Variants in THSD7B observed in about 807,000 individuals in gnomAD.
THSD7B encodes the protein thrombospondin type 1 domain containing 7B.
Under a neutral mutation model 213.6 loss-of-function variants are expected in THSD7B, and 138 were observed. The observed-to-expected ratio is 0.65, with a 90% CI of 0.56 to 0.74. THSD7B has a LOEUF of 0.74. Among genes scored for constraint, THSD7B ranks in the 30% least tolerant of loss-of-function variants. THSD7B has a pLI of 0.00. For synonymous variants in THSD7B, 742 were observed against 687.0 expected (o/e 1.08, Z -1.25); for missense variants, 1,931 against 1,991.5 (o/e 0.97, Z 0.58).
intron 15 of THSD7B, among the ~76,000 whole-genome samples, chr2:137,454,139 G>C (rs1436280276): frequency 1.3e-5 from 2 of 152,146 alleles, no homozygotes; most frequent in East Asian, 3.9e-4. Context: ...CAATGGGATT[G>C]CTGGATCATA....
chr2:137,179,458 T>C (rs1680414201), intron 7 of THSD7B, among the ~76,000 whole-genome samples: 1 of 152,000 alleles, frequency 6.6e-6, no homozygotes, highest in South Asian at 2.1e-4. Flanking sequence ...CACTTCTCCA[T>C]TATGACAGAG....
intron 2 of THSD7B, among the ~76,000 whole-genome samples, chr2:136,913,653 C>G (rs1436927350): frequency 6.6e-6 from 1 of 152,224 alleles, no homozygotes; most frequent in African/African-American, 2.4e-5. Flanking sequence ...AGCCAATGTA[C>G]AGCTTGGGCT....
chr2:136,823,907 C>G (rs1682603377), intron 1 of THSD7B, among the ~76,000 whole-genome samples: 1 of 152,002 alleles, frequency 6.6e-6, no homozygotes, highest in South Asian at 2.1e-4. Context: ...GAGCTGTGGT[C>G]CATGGACTGG....
In THSD7B at chr2:137,555,829, A is replaced by G. The variant is rs376191053; in HGVS notation, c.3139-7392A>G. ...AGACGAATGGCTAGCTAGAATAACC[A>G]ATGCAGAGAAGTCCTTAAAGGACCT... On this transcript the variant is annotated intron_variant, in intron 15 of 27. Transcript: ENST00000409968. Among the ~76,000 whole-genome samples the G allele has an allele frequency of 4.3e-4, 65 of 152,330 alleles. No homozygotes were observed. In the South Asian group the frequency reaches 0.013, roughly 31 times the overall value.
chr2:137,378,982 T>C (rs1340705154), intron 12 of THSD7B, among the ~76,000 whole-genome samples: 2 of 152,212 alleles, frequency 1.3e-5, no homozygotes. Context: ...ATGCTTATTC[T>C]TGTCAGTCTT....
intron 1 of THSD7B, among the ~76,000 whole-genome samples, chr2:136,810,108 C>A (rs1233585265): frequency 1.3e-5 from 2 of 152,086 alleles, no homozygotes; most frequent in Non-Finnish European, 2.9e-5. Flanking sequence ...GTAGTTAACG[C>A]ATAGAGAAGG....
chr2:137,225,105 T>C (rs2105048398), intron 7 of THSD7B, among the ~76,000 whole-genome samples: 1 of 152,306 alleles, frequency 6.6e-6, no homozygotes, highest in Middle Eastern at 3.4e-3. Context: ...TTTACATCAT[T>C]ATTATATTTT....
At chr2:136,947,168 GTCTT>G (rs1289940491) in intron 2 of THSD7B, among the ~76,000 whole-genome samples, 1 of 152,166 alleles carries the variant, frequency 6.6e-6, no homozygotes, top group Non-Finnish European at 1.5e-5. Flanking sequence ...CTAAGAGAAA[GTCTT>G]TCTTCTACCA....
intron 1 of THSD7B, among the ~76,000 whole-genome samples, chr2:136,808,800 G>C (rs1682328679): frequency 6.6e-6 from 1 of 152,154 alleles, no homozygotes; most frequent in African/African-American, 2.4e-5. Flanking sequence ...AGGTCGTCTG[G>C]TCTTTTACAG....
At chr2:137,550,759 T>C (rs980130568) in intron 15 of THSD7B, among the ~76,000 whole-genome samples, 1 of 152,046 alleles carries the variant, frequency 6.6e-6, no homozygotes. Context: ...TGGTTTAGCT[T>C]GGAGTAGGGG....
At chr2:137,517,429 A>G (rs569727087) in intron 15 of THSD7B, among the ~76,000 whole-genome samples, 37 of 152,318 alleles carry the variant, frequency 2.4e-4, no homozygotes, top group African/African-American at 8.9e-4. Context: ...CCTCAGTAAA[A>G]TTTCTAGGGG....
At chr2:137,179,375 G>A (rs527873879) in intron 7 of THSD7B, among the ~76,000 whole-genome samples, 2 of 151,924 alleles carry the variant, frequency 1.3e-5, no homozygotes, top group Non-Finnish European at 2.9e-5. Flanking sequence ...ATGACCATTG[G>A]CTCATTACTC....
chr2:137,109,809 G>C (rs1688316653), intron 4 of THSD7B, among the ~76,000 whole-genome samples: 1 of 152,122 alleles, frequency 6.6e-6, no homozygotes, highest in Non-Finnish European at 1.5e-5. Flanking sequence ...ACAGGCCGCT[G>C]ACCAGTACTG....
At chr2:137,212,744 A>C (rs7568204) in intron 7 of THSD7B, among the ~76,000 whole-genome samples, 90,560 of 151,738 alleles carry the variant, frequency 0.6, 27,445 homozygotes, top group South Asian at 0.71. Flanking sequence ...TGAAAATATA[A>C]GATTTTTAAG....
intron 17 of THSD7B, among the ~76,000 whole-genome samples, chr2:137,584,586 G>T (rs1371799063): frequency 6.6e-6 from 1 of 152,132 alleles, no homozygotes; most frequent in Non-Finnish European, 1.5e-5. Context: ...TGCATCTATT[G>T]AGATAATCAT....
intron 15 of THSD7B, among the ~76,000 whole-genome samples, chr2:137,559,641 G>A (rs1681064868): frequency 6.6e-6 from 1 of 152,128 alleles, no homozygotes; most frequent in African/African-American, 2.4e-5. Context: ...TACCATTCAG[G>A]ACATAGGCAT....
intron 2 of THSD7B, among the ~76,000 whole-genome samples, chr2:137,040,399 C>CT (rs56018211): frequency 0.1 from 14,706 of 142,598 alleles, 767 homozygotes; most frequent in African/African-American, 0.12. Context: ...TCTTCCTCTT[C>CT]TTTTTTTTTT....
chr2:137,330,602 T>A (rs185953083), intron 12 of THSD7B, among the ~76,000 whole-genome samples: 1 of 152,128 alleles, frequency 6.6e-6, no homozygotes, highest in Admixed American at 6.5e-5. Flanking sequence ...GTGTTATAGC[T>A]CTTAAGGCAG....
At chr2:136,770,984 GA>G (rs1204838887) in intron 1 of THSD7B, among the ~76,000 whole-genome samples, 1 of 152,068 alleles carries the variant, frequency 6.6e-6, no homozygotes, top group Admixed American at 6.6e-5. Context: ...TTAAGAGGAA[GA>G]GCCAAATTTC....
Sources: allele counts gnomAD v4.1 joint callset (sites outside exome capture counted in the v4.1 genomes callset), GRCh38; gene constraint gnomAD v4.1.1; transcripts MANE v1.5; gene names NCBI Gene and HGNC (gene_info 2026-07-23, HGNC 2026-07-21).